Variants in TRPC5 observed in about 807,000 individuals in gnomAD.
TRPC5 encodes short transient receptor potential channel 5.
Under a neutral mutation model 56.5 loss-of-function variants are expected in TRPC5, and 9 were observed. The observed-to-expected ratio is 0.16, with a 90% CI of 0.10 to 0.28. The LOEUF (loss-of-function observed/expected upper bound fraction) is 0.28, where lower values mean the gene tolerates loss of function less well. Among genes scored for constraint, TRPC5 ranks in the 10% least tolerant of loss-of-function variants. The probability of loss-of-function intolerance (pLI) is 1.00; values close to 1 mark genes in which losing one functional copy is unlikely to be tolerated. For synonymous variants in TRPC5, 282 were observed against 278.5 expected (o/e 1.01, Z -0.13); for missense variants, 469 against 748.9 (o/e 0.63, Z 4.36).
chrX:111,998,832 C>A (rs769087639), intron 1 of TRPC5, among the ~76,000 whole-genome samples: 2 of 111,961 alleles, frequency 1.8e-5, no homozygotes, highest in African/African-American at 3.2e-5. Flanking sequence ...TATGTTCAGT[C>A]TGAGTTTGGT....
chrX:111,997,397 T>C (rs1352193529), intron 1 of TRPC5, among the ~76,000 whole-genome samples: 2 of 111,847 alleles, frequency 1.8e-5, no homozygotes, highest in Non-Finnish European at 3.8e-5. Context: ...TTCCCTTGTG[T>C]GTAACTCGAC....
chrX:111,914,433 A>C (rs17222608), intron 2 of TRPC5, among the ~76,000 whole-genome samples: 13,071 of 111,849 alleles, frequency 0.12, 782 homozygotes, highest in Non-Finnish European at 0.18. Flanking sequence ...CAAAGGGATG[A>C]GTTAACTGTT....
intron 2 of TRPC5, among the ~76,000 whole-genome samples, chrX:111,914,704 T>C (rs893763204): frequency 8.9e-6 from 1 of 112,396 alleles, no homozygotes; most frequent in Non-Finnish European, 1.9e-5. Context: ...AGTGAGCAAC[T>C]GGCTCATAAA....
At chrX:111,778,457 T>C (rs771955823) in intron 10 of TRPC5, among the ~76,000 whole-genome samples, 1 of 111,318 alleles carries the variant, frequency 9.0e-6, no homozygotes. Context: ...GATACCAGTG[T>C]GACAACCAAA....
intron 6 of TRPC5, among the ~76,000 whole-genome samples, chrX:111,841,852 A>G (rs1199761655): frequency 9.2e-6 from 1 of 109,056 alleles, no homozygotes; most frequent in Non-Finnish European, 1.9e-5. Flanking sequence ...CTGGGATTAC[A>G]GGTTCATGCC....
At chrX:112,004,698 T>A (rs1427713744) in intron 1 of TRPC5, among the ~76,000 whole-genome samples, 9 of 111,525 alleles carry the variant, frequency 8.1e-5, no homozygotes, top group Non-Finnish European at 1.5e-4. Context: ...AAACCACTGC[T>A]TTTGGAAAAG....
intron 7 of TRPC5, among the ~76,000 whole-genome samples, chrX:111,793,940 T>C (rs974475953): frequency 8.9e-6 from 1 of 111,825 alleles, no homozygotes; most frequent in Non-Finnish European, 1.9e-5. Flanking sequence ...TAAGTGAAAG[T>C]AGCCAGTCAG....
chrX:111,899,774 T>C (rs529167410), intron 3 of TRPC5, among the ~76,000 whole-genome samples: 12 of 111,708 alleles, frequency 1.1e-4, no homozygotes, highest in African/African-American at 3.9e-4. Flanking sequence ...TCTAAATAAA[T>C]GCCAAATTCC....
At chrX:111,863,417 C>A (rs1923461207) in intron 3 of TRPC5, among the ~76,000 whole-genome samples, 1 of 111,750 alleles carries the variant, frequency 8.9e-6, no homozygotes. Flanking sequence ...AAAACAATGG[C>A]CTTCCATAAT....
chrX:111,851,027 A>G (rs1190142164), intron 5 of TRPC5, among the ~76,000 whole-genome samples: 2 of 112,078 alleles, frequency 1.8e-5, no homozygotes, highest in East Asian at 5.6e-4. Context: ...CACATTAACC[A>G]GGGATTCAAA....
At chrX:111,983,983 A>G (rs1928146678) in intron 1 of TRPC5, among the ~76,000 whole-genome samples, 1 of 111,365 alleles carries the variant, frequency 9.0e-6, no homozygotes, top group African/African-American at 3.3e-5. Flanking sequence ...TCACGTATAT[A>G]TCACTTTTAT....
intron 4 of TRPC5, among the ~76,000 whole-genome samples, chrX:111,853,495 C>T (rs1270598808): frequency 1.8e-5 from 2 of 112,035 alleles, no homozygotes; most frequent in Non-Finnish European, 3.8e-5. Flanking sequence ...TGATACTTGG[C>T]TTTGTCTCTA....
chrX:111,821,062 A>G (rs1406417147), intron 7 of TRPC5, among the ~76,000 whole-genome samples: 1 of 111,527 alleles, frequency 9.0e-6, no homozygotes, highest in Non-Finnish European at 1.9e-5. Flanking sequence ...GGTTCTAATC[A>G]CACTAGTCCA....
intron 1 of TRPC5, among the ~76,000 whole-genome samples, chrX:112,067,487 T>C (rs1602421454): frequency 8.9e-6 from 1 of 112,639 alleles, no homozygotes; most frequent in African/African-American, 3.2e-5. Flanking sequence ...AGGCCAATTA[T>C]GTCACTGCTT....
chrX:111,912,697 C>T lies in TRPC5; in HGVS notation c.494G>A (p.Arg165Gln), dbSNP rs1925854209. Residue 165 changes from arginine (R) to glutamine (Q), a missense_variant, in exon 3 of 11, where the codon CGG becomes CAG. Arg to Gln is a conservative substitution (Grantham distance 43, BLOSUM62 1). Around this residue, in one of 3 missense-constraint regions of TRPC5, gnomAD observed 118 missense variants for 167.1 expected, o/e 0.71. Transcript: ENST00000262839. ...YEIIKLLVQK[R>Q]VTIPRPHQIR... ...CTGGTGGGGCCGTGGGATAGTGACC[C>T]GTTTTTGGACAAGCAATTTGATGAT... The T allele has an allele frequency of 4.1e-6, 5 of 1,210,585 alleles. No homozygotes were observed. The highest frequency in any genetic ancestry group is 4.5e-6 in the Non-Finnish European group (4 of 895,470).
intron 9 of TRPC5, among the ~76,000 whole-genome samples, chrX:111,780,192 T>C (rs1345056088): frequency 9.0e-6 from 1 of 111,276 alleles, no homozygotes; most frequent in Non-Finnish European, 1.9e-5. Flanking sequence ...TTATTTGTGA[T>C]TTGCAAGGAT....
At chrX:111,783,290 T>C (rs1306006616) in intron 7 of TRPC5, among the ~76,000 whole-genome samples, 2 of 112,053 alleles carry the variant, frequency 1.8e-5, no homozygotes, top group African/African-American at 3.2e-5. Context: ...TGTCTAAATA[T>C]ACGTTTAATT....
chrX:112,078,626 C>T (rs1430322029), intron 1 of TRPC5, among the ~76,000 whole-genome samples: 1 of 112,203 alleles, frequency 8.9e-6, no homozygotes, highest in East Asian at 2.8e-4. Context: ...CATCCAAGGG[C>T]CAACTCCAGA....
At chrX:111,802,456 G>A (rs565820201) in intron 7 of TRPC5, among the ~76,000 whole-genome samples, 1 of 111,193 alleles carries the variant, frequency 9.0e-6, no homozygotes, top group East Asian at 2.8e-4. Context: ...GAATCCAAAG[G>A]CTTCACAAAG....
Sources: gnomAD v4.1 joint callset for allele counts (sites outside exome capture counted in the v4.1 genomes callset) on GRCh38, gnomAD v4.1.1 for gene constraint, gnomAD v4.1.1 regional missense constraint, MANE v1.5 for transcripts, NCBI Gene and HGNC (gene_info 2026-07-23, HGNC 2026-07-21) for gene names.